Variants in VILL observed in about 807,000 individuals in gnomAD.
The protein encoded by VILL is villin like.
A neutral mutation model predicts 106.3 loss-of-function variants in VILL; 102 were observed. That is an observed-to-expected ratio of 0.96 (90% confidence interval 0.82 to 1.13). The LOEUF (loss-of-function observed/expected upper bound fraction) is 1.13, where lower values mean the gene tolerates loss of function less well. VILL is among the 50% of genes most tolerant of loss of function. The pLI is 0.00. For missense variants in VILL, 1,076 were observed against 1,116.6 expected (o/e 0.96, Z 0.52); for synonymous variants, 431 against 440.3 (o/e 0.98, Z 0.27).
At position 37,998,086 on chromosome 3, in the gene VILL, C is replaced by A. The variant is rs1269557153; in HGVS notation, c.765-4C>A. 6.2e-7 allele frequency: 1 copy of A among 1,605,692 alleles called. No individual in the cohort carries two copies. The highest frequency in any genetic ancestry group is 8.5e-7 in the Non-Finnish European group (1 of 1,175,972). On this transcript the variant is annotated splice_region_variant and splice_polypyrimidine_tract_variant and intron_variant, in intron 7 of 19. Coordinates refer to ENST00000383759, the MANE Select transcript of VILL (RefSeq NM_015873.4). The surrounding 1 kb of genome is among the most constrained non-coding windows in gnomAD (Gnocchi z 4.1). ...TGGCCACTCCTGGGTTCCTGTCCCCCCAGTGTCTATGAGAAGGGCAAAGAC... is the reference window on the plus strand; with the variant it reads ...TGGCCACTCCTGGGTTCCTGTCCCCACAGTGTCTATGAGAAGGGCAAAGAC...
intron 15 of VILL, 131 bp from the exon 16 acceptor site, chr3:38,004,124 C>T (rs569275636): frequency 3.9e-6 from 5 of 1,286,166 alleles, no homozygotes; most frequent in African/African-American, 1.5e-5. Flanking sequence ...GGAGAAACCA[C>T]GGGGCTCAGA....
Position 37,999,021 on chromosome 3 carries a change from G to T in VILL, c.1052G>T (p.Arg351Leu). 6.3e-7 allele frequency: 1 copy of T among 1,598,926 alleles called. No homozygotes were observed. Among genetic ancestry groups the T allele is most frequent in the Non-Finnish European group, 8.5e-7 (1 of 1,171,784 alleles). The change falls in exon 10 of 20, where the codon CGG becomes CTG. Residue 351 changes from arginine (R) to leucine (L), a missense_variant. By Grantham distance (102) the Arg-to-Leu change is moderately radical (BLOSUM62 -2). Transcript: ENST00000383759. Reference sequence around the variant, plus strand: ...CTCTTCCGGACTTGGTCTGAGAAGCGGCGCAGGAACCAGAAGCTCGGCGGG... The same window carrying T: ...CTCTTCCGGACTTGGTCTGAGAAGCTGCGCAGGAACCAGAAGCTCGGCGGG... ...KQLFRTWSEK[R>L]RRNQKLGGRD...
intron 11 of VILL, chr3:38,000,874 A>G (rs759918642): frequency 4.4e-6 from 2 of 456,668 alleles, no homozygotes; most frequent in South Asian, 3.1e-5. Flanking sequence ...TCCCCAATAT[A>G]CAGGTGGGAA....
intron 15 of VILL, chr3:38,003,708 C>G (rs866246304): frequency 8.9e-6 from 2 of 225,948 alleles, no homozygotes; most frequent in South Asian, 1.4e-4. Context: ...CAGGTGTATT[C>G]AGGGTGTTGT....
At chr3:37,988,794 G>A (rs538673054), upstream of VILL, among the ~76,000 whole-genome samples, 22 of 152,264 alleles carry the variant, frequency 1.4e-4, no homozygotes, top group African/African-American at 4.1e-4. Context: ...CCCGGGAGGC[G>A]GAGGCTGCAG....
At position 37,998,341 on chromosome 3, in the gene VILL, A is replaced by G. The variant is rs1470652649; in HGVS notation, c.919A>G (p.Lys307Glu). ...ACGCATGTCTAGCCTCCAGGAGAGAAAGGCTGCCTTCAGCCGGGCTGTGGT... is the reference window on the plus strand; with the variant it reads ...ACGCATGTCTAGCCTCCAGGAGAGAGAGGCTGCCTTCAGCCGGGCTGTGGT... Reference protein sequence around the residue: ...QGRMSSLQERKAAFSRAVGFI... With the variant: ...QGRMSSLQEREAAFSRAVGFI... The change falls in exon 9 of 20, where the codon AAG becomes GAG. Residue 307 changes from lysine to glutamate, a missense_variant. Physicochemically the swap from Lys to Glu is moderately conservative, Grantham distance 56 (BLOSUM62 1). Transcript: ENST00000383759. This position sits in a 1 kb window ranked among gnomAD's most constrained non-coding sequence, Gnocchi z 4.1. 6.2e-7 allele frequency: 1 copy of G among 1,614,134 alleles called. No homozygotes were observed. The highest frequency in any genetic ancestry group is 1.7e-5 in the Admixed American group (1 of 60,018).
chr3:38,002,009 C>T, intron 13 of VILL, 149 bp downstream of exon 13: 1 of 1,309,652 alleles, frequency 7.6e-7, no homozygotes, highest in African/African-American at 1.5e-5. Flanking sequence ...CCCAGGAGCT[C>T]CAAGGTTGGC....
chr3:38,006,810 T>A (rs543606913), intron 19 of VILL, 110 bp downstream of exon 19: 192 of 1,529,944 alleles, frequency 1.3e-4, no homozygotes, highest in Non-Finnish European at 1.6e-4. Context: ...GGGAGATGTG[T>A]CTTCTAGCTG....
Position 37,998,972 on chromosome 3 carries a change from G to A in VILL, c.1003G>A (p.Ala335Thr), listed in dbSNP as rs140527821. 7 of 1,610,138 alleles carry A rather than the reference G, an allele frequency of 4.3e-6. No homozygotes were observed. Among genetic ancestry groups the A allele is most frequent in the African/African-American group, 4.0e-5 (3 of 74,492 alleles). ...YTNVEVVNDG[A>T]ESAAFKQLFR... ...CAACGTGGAGGTGGTGAACGACGGC[G>A]CCGAGTCGGCCGCGTTCAAGCAGCT... The change falls in exon 10 of 20, where the codon GCC (alanine) becomes ACC (threonine). Residue 335 changes from alanine to threonine, a missense_variant. Coordinates refer to ENST00000383759, the MANE Select transcript of VILL (RefSeq NM_015873.4). This position sits in a 1 kb window ranked among gnomAD's most constrained non-coding sequence, Gnocchi z 4.1.
intron 11 of VILL, chr3:38,001,222 C>T (rs1489079951): frequency 4.8e-6 from 3 of 622,908 alleles, no homozygotes; most frequent in Non-Finnish European, 8.3e-6. Context: ...TGGGATTGGG[C>T]CCATCTCCCA....
rs200829672 is a variant in VILL, at chr3:38,006,707, A to AC, written c.2457+12dup. On this transcript the variant is annotated splice_region_variant and intron_variant, in intron 19 of 19. Transcript: ENST00000383759. ...GGACCCTGCCCGCAGGGAGGTGGGCACCCCCTCACTGCCCCAGCACTAGTG... is the reference window on the plus strand; with the variant it reads ...GGACCCTGCCCGCAGGGAGGTGGGCACCCCCCTCACTGCCCCAGCACTAGTG... The AC allele has an allele frequency of 2.4e-3, 3,839 of 1,596,024 alleles. 63 individuals carry two copies. The African/African-American group carries it at 0.037, about 15-fold the overall frequency.
chr3:37,993,741 C>A lies in VILL; in HGVS notation c.60+9C>A. Reference sequence around the variant, plus strand: ...ACATATGGATCTCTGAGGTGAGAGGCACGACCAAATAGGAGAGTTGGTGAC... The same window carrying A: ...ACATATGGATCTCTGAGGTGAGAGGAACGACCAAATAGGAGAGTTGGTGAC... On this transcript the variant is annotated intron_variant, in intron 2 of 19. Coordinates refer to ENST00000383759, the MANE Select transcript of VILL (RefSeq NM_015873.4). 6.2e-7 allele frequency: 1 copy of A among 1,613,950 alleles called. No homozygotes were observed. The highest frequency in any genetic ancestry group is 8.5e-7 in the Non-Finnish European group (1 of 1,179,864).
At position 38,006,519 on chromosome 3, in the gene VILL, TC is replaced by T. The variant is rs756985107; in HGVS notation, c.2277del (p.Lys760ArgfsTer42). ...GRAGAVALQA[L>X]KGSQDSSEND... is the part of the protein sequence containing the mutation. ...GCAGGTGCCGTGGCCCTGCAGGCCC[TC>T]AAGGGCTCCCAGGACAGCTCAGAGA... On this transcript the variant is annotated frameshift_variant, in exon 19 of 20. Transcript: ENST00000383759. LOFTEE classifies it high-confidence loss of function. The T allele has an allele frequency of 4.3e-6, 7 of 1,612,854 alleles. No homozygotes were observed. Among genetic ancestry groups the T allele is most frequent in the Admixed American group, 3.3e-5 (2 of 59,970 alleles).
intron 17 of VILL, 56 bp from the exon 18 acceptor site, chr3:38,006,125 A>C: frequency 6.2e-7 from 1 of 1,612,640 alleles, no homozygotes; most frequent in South Asian, 1.1e-5. Context: ...CATGTGTCCC[A>C]TTGGTGCCCC....
At position 37,994,426 on chromosome 3, in the gene VILL, G is replaced by A. The variant is rs372143753; in HGVS notation, c.301G>A (p.Glu101Lys). The A allele has an allele frequency of 5.0e-6, 8 of 1,612,610 alleles. No homozygotes were observed. The Admixed American group carries it at 8.3e-5, about 17-fold the overall frequency. ...GCTGCACCGCGAGGCGCAGGGCCACGAGTCCGACTGCTTCTGCAGCTACTT... is the reference window on the plus strand; with the variant it reads ...GCTGCACCGCGAGGCGCAGGGCCACAAGTCCGACTGCTTCTGCAGCTACTT... ...TVLHREAQGHESDCFCSYFRP... is the reference protein window; with the variant it reads ...TVLHREAQGHKSDCFCSYFRP... The change falls in exon 4 of 20, where the codon GAG becomes AAG. Residue 101 changes from glutamate (E) to lysine (K), a missense_variant. By Grantham distance (56) the Glu-to-Lys change is moderately conservative (BLOSUM62 1). Coordinates refer to ENST00000383759, the MANE Select transcript of VILL (RefSeq NM_015873.4).
upstream of VILL, among the ~76,000 whole-genome samples, chr3:37,990,469 G>A (rs1699595421): frequency 6.6e-6 from 1 of 152,166 alleles, no homozygotes; most frequent in Non-Finnish European, 1.5e-5. The surrounding 1 kb of genome is among the most constrained non-coding windows in gnomAD (Gnocchi z 5.1). Context: ...GGGATCAGGG[G>A]CCCATCTAGT....
intron 18 of VILL, 37 bp from the exon 19 acceptor site, chr3:38,006,412 C>A (rs1328091752): frequency 5.1e-6 from 8 of 1,578,574 alleles, no homozygotes; most frequent in Non-Finnish European, 6.9e-6. Context: ...GCTACTGATT[C>A]CCCATCTTCC....
chr3:37,997,337 C>G lies in VILL; in HGVS notation c.562-146C>G. 8.7e-7 allele frequency: 1 copy of G among 1,151,546 alleles called. No individual in the cohort carries two copies. Among genetic ancestry groups the G allele is most frequent in the Non-Finnish European group, 1.2e-6 (1 of 801,042 alleles). 71.3% of individuals were successfully genotyped at this position (1,151,546 alleles called of 1,614,324 possible). A position where few individuals can be genotyped will look rare whatever the true frequency, so the allele number is the denominator to read the frequency against. ...AGTTACAAGCTGAGTTCAGACCCTG[C>G]ATTGTTGGTGTCCCCCTGGATGCCA... On this transcript the variant is annotated intron_variant, in intron 6 of 19. Coordinates refer to ENST00000383759, the MANE Select transcript of VILL (RefSeq NM_015873.4). This position sits in a 1 kb window ranked among gnomAD's most constrained non-coding sequence, Gnocchi z 4.7.
chr3:38,005,867 C>G lies in VILL; in HGVS notation c.2026C>G (p.His676Asp). The G allele has an allele frequency of 6.2e-7, 1 of 1,614,122 alleles. No homozygotes were observed. The highest frequency in any genetic ancestry group is 8.5e-7 in the Non-Finnish European group (1 of 1,180,006). The change falls in exon 17 of 20, where the codon CAC (histidine) becomes GAC (aspartate). Residue 676 changes from histidine to aspartate, a missense_variant. Physicochemically the swap from His to Asp is moderately conservative, Grantham distance 81 (BLOSUM62 -1). Coordinates refer to ENST00000383759, the MANE Select transcript of VILL (RefSeq NM_015873.4). ...VAWGQEYLKT[H>D]PAGRSPATPI... ...CTGGGGCCAGGAGTACCTGAAGACT[C>G]ACCCAGCAGGGAGGAGCCCGGCCAC...
Sources: allele counts gnomAD v4.1 joint callset (sites outside exome capture counted in the v4.1 genomes callset), GRCh38; gene constraint gnomAD v4.1.1; non-coding constraint Gnocchi (gnomAD v3.1); transcripts MANE v1.5; gene names NCBI Gene and HGNC (gene_info 2026-07-23, HGNC 2026-07-21).